Variants in FBRSL1 observed in about 807,000 individuals in gnomAD.
The protein encoded by FBRSL1 is fibrosin like 1.
Under a neutral mutation model 89.6 loss-of-function variants are expected in FBRSL1, and 51 were observed. The observed-to-expected ratio is 0.57, with a 90% CI of 0.45 to 0.72. The LOEUF (loss-of-function observed/expected upper bound fraction) is 0.72, where lower values mean the gene tolerates loss of function less well. Ranked by LOEUF, FBRSL1 falls within the 30% of genes least tolerant of loss-of-function variation. The pLI, the probability that FBRSL1 is intolerant of heterozygous loss-of-function variation, is 0.00. For synonymous variants in FBRSL1, 779 were observed against 681.1 expected, an observed-to-expected ratio of 1.14 and a Z score of -2.24; for missense variants, 1,618 against 1,451.8, an observed-to-expected ratio of 1.11 and a Z score of -1.86.
At position 132,582,417 on chromosome 12, in the gene FBRSL1, T is replaced by C; in HGVS notation, c.2201+151T>C. The C allele has an allele frequency of 7.0e-6, 4 of 571,528 alleles. No homozygotes were observed. The Admixed American group carries it at 1.0e-4, about 14-fold the overall frequency. 35.4% of individuals were successfully genotyped at this position (571,528 alleles called of 1,614,324 possible). On this transcript the variant is annotated intron_variant, in intron 18 of 18. Transcript: ENST00000680143. Reference sequence around the variant, plus strand: ...CCCTCCCCCTGTTCCCCTTCCCCGTTCCCCCTCCCCCATTCCCTCTCACCC... The same window carrying C: ...CCCTCCCCCTGTTCCCCTTCCCCGTCCCCCCTCCCCCATTCCCTCTCACCC...
At chr12:132,513,876 A>T (rs1370725033) in intron 2 of FBRSL1, among the ~76,000 whole-genome samples, 1 of 152,080 alleles carries the variant, frequency 6.6e-6, no homozygotes, top group Non-Finnish European at 1.5e-5. Flanking sequence ...GCCCCCAGGG[A>T]GGGAGGGGTG....
chr12:132,529,446 C>T (rs2036072484), intron 4 of FBRSL1, among the ~76,000 whole-genome samples: 1 of 152,162 alleles, frequency 6.6e-6, no homozygotes, highest in African/African-American at 2.4e-5. Flanking sequence ...AGCAGGGGCT[C>T]AGCCAGGCCC....
At chr12:132,528,616 G>A (rs1219740229) in intron 4 of FBRSL1, among the ~76,000 whole-genome samples, 3 of 151,952 alleles carry the variant, frequency 2.0e-5, no homozygotes, top group Non-Finnish European at 4.4e-5. Context: ...TGGGGGGAGC[G>A]GGTGTGTGTC....
chr12:132,492,712 T>G (rs1452772740), intron 1 of FBRSL1, among the ~76,000 whole-genome samples: 1 of 152,222 alleles, frequency 6.6e-6, no homozygotes, highest in Admixed American at 6.5e-5. Context: ...TTAGACCAGC[T>G]GGCCCCTCAG....
intron 15 of FBRSL1, among the ~76,000 whole-genome samples, chr12:132,578,111 C>T (rs575998544): frequency 2.4e-4 from 36 of 152,346 alleles, no homozygotes; most frequent in Non-Finnish European, 4.1e-4. Flanking sequence ...AGTTGCTGAA[C>T]ACCTGTTTTG....
chr12:132,530,850 T>C (rs1423911111), intron 4 of FBRSL1, among the ~76,000 whole-genome samples: 11 of 151,946 alleles, frequency 7.2e-5, no homozygotes, highest in African/African-American at 1.9e-4. Context: ...GCGTGTGCAC[T>C]GGGCCCCAGC....
At chr12:132,501,284 C>T (rs966404673) in intron 1 of FBRSL1, among the ~76,000 whole-genome samples, 1 of 152,248 alleles carries the variant, frequency 6.6e-6, no homozygotes, top group Non-Finnish European at 1.5e-5. Flanking sequence ...CGGGATAAAG[C>T]TGGGGCCGAG....
At chr12:132,555,454 G>A (rs1175179841) in intron 5 of FBRSL1, among the ~76,000 whole-genome samples, 1 of 146,842 alleles carries the variant, frequency 6.8e-6, no homozygotes, top group Admixed American at 6.7e-5. Flanking sequence ...CCACCGGAGC[G>A]TGAGCGTGGC....
In FBRSL1 at chr12:132,567,494, C is replaced by T; in HGVS notation, c.659C>T (p.Ser220Phe). The T allele has an allele frequency of 6.4e-7, 1 of 1,551,166 alleles. No individual in the cohort carries two copies. The highest frequency in any genetic ancestry group is 8.7e-7 in the Non-Finnish European group (1 of 1,146,910). The change falls in exon 6 of 19, where the codon TCT becomes TTT. Residue 220 changes from serine (S) to phenylalanine (F), a missense_variant. By Grantham distance (155) the Ser-to-Phe change is radical (BLOSUM62 -2). Coordinates refer to ENST00000680143, the MANE Select transcript of FBRSL1 (RefSeq NM_001367871.1). ...CTCTCTCTCCAGGCATCCGTGGGCTCTGAGAAGCTCTTTGCGCCGGGAACC... is the reference window on the plus strand; with the variant it reads ...CTCTCTCTCCAGGCATCCGTGGGCTTTGAGAAGCTCTTTGCGCCGGGAACC... Reference protein sequence around the residue: ...SGPDDKASVGSEKLFAPGTDK... With the variant: ...SGPDDKASVGFEKLFAPGTDK...
chr12:132,509,455 C>A (rs1041613446), intron 2 of FBRSL1: 1 of 1,239,770 alleles, frequency 8.1e-7, no homozygotes, highest in Non-Finnish European at 1.0e-6. Context: ...CTCCTTCCAT[C>A]CCCAGATCAG....
chr12:132,510,414 C>A, intron 2 of FBRSL1: 1 of 1,232,034 alleles, frequency 8.1e-7, no homozygotes, highest in Non-Finnish European at 1.0e-6. Context: ...CGGGATGGCC[C>A]GTCAGGCCCC....
chr12:132,517,444 C>G (rs1359474968), intron 2 of FBRSL1, among the ~76,000 whole-genome samples: 1 of 152,180 alleles, frequency 6.6e-6, no homozygotes, highest in Non-Finnish European at 1.5e-5. Flanking sequence ...GACTGGCATC[C>G]ATTTTGTACT....
At chr12:132,581,541 C>T (rs542876270) in intron 16 of FBRSL1, 25 bp downstream of exon 16, 14 of 1,549,026 alleles carry the variant, frequency 9.0e-6, no homozygotes, top group South Asian at 4.8e-5. Flanking sequence ...ATTCAGCCCA[C>T]GCAGCCTGGC....
At chr12:132,526,467 C>G (rs1407221613) in intron 3 of FBRSL1, among the ~76,000 whole-genome samples, 1 of 152,216 alleles carries the variant, frequency 6.6e-6, no homozygotes, top group African/African-American at 2.4e-5. Flanking sequence ...GAGGCTCAAA[C>G]TCAGGGCAAC....
intron 5 of FBRSL1, among the ~76,000 whole-genome samples, chr12:132,548,940 T>C (rs2037922003): frequency 6.6e-6 from 1 of 152,156 alleles, no homozygotes; most frequent in African/African-American, 2.4e-5. Context: ...TTTTTATGAA[T>C]GGAACAGTTC....
intron 1 of FBRSL1, among the ~76,000 whole-genome samples, chr12:132,502,154 C>T (rs988799984): frequency 8.5e-5 from 13 of 152,220 alleles, no homozygotes; most frequent in Admixed American, 4.6e-4. Context: ...CTGCGGCAGC[C>T]CCGCATTTCC....
chr12:132,504,586 A>C (rs932956891), intron 1 of FBRSL1, among the ~76,000 whole-genome samples: 1 of 151,952 alleles, frequency 6.6e-6, no homozygotes, highest in Non-Finnish European at 1.5e-5. Flanking sequence ...ACGGGTGCTG[A>C]CCCAGGTGTG....
Position 132,552,888 on chromosome 12 carries a change from G to A in FBRSL1, c.645+4856G>A, listed in dbSNP as rs141744485. 4.5e-3 allele frequency: 729 copies of A among 160,994 alleles called. 5 individuals carry two copies. The highest frequency in any genetic ancestry group is 0.017 in the African/African-American group (698 of 41,638). 10.0% of individuals were successfully genotyped at this position (160,994 alleles called of 1,614,324 possible). A position where few individuals can be genotyped will look rare whatever the true frequency, so the allele number is the denominator to read the frequency against. On this transcript the variant is annotated intron_variant, in intron 5 of 18. Coordinates refer to ENST00000680143, the MANE Select transcript of FBRSL1 (RefSeq NM_001367871.1). ...GGCCCCTGCCGTGGGCGCTCACCCC[G>A]CAGTTGCTGGGCCTCCGTGGGGTCC...
chr12:132,493,155 C>T (rs2031381675), intron 1 of FBRSL1, among the ~76,000 whole-genome samples: 2 of 152,230 alleles, frequency 1.3e-5, no homozygotes, highest in South Asian at 2.1e-4. Flanking sequence ...TTAGAGTGAG[C>T]GGGCGCTGCC....
Sources: gnomAD v4.1 joint callset for allele counts (sites outside exome capture counted in the v4.1 genomes callset) on GRCh38, gnomAD v4.1.1 for gene constraint, MANE v1.5 for transcripts, NCBI Gene and HGNC (gene_info 2026-07-23, HGNC 2026-07-21) for gene names.